IGFL2: variants seen among roughly 807,000 people sequenced by gnomAD.
The protein encoded by IGFL2 is IGF like family member 2, also known as insulin growth factor-like family member 2.
A neutral mutation model predicts 13.9 loss-of-function variants in IGFL2; 7 were observed. The ratio of observed to expected loss-of-function variants is 0.51; its 90% CI spans 0.29 to 0.95. The LOEUF (loss-of-function observed/expected upper bound fraction) is 0.95, where lower values mean the gene tolerates loss of function less well. IGFL2 is among the 40% of genes least tolerant of loss of function. IGFL2 has a pLI of 0.08. For missense variants in IGFL2, 138 were observed against 147.8 expected (o/e 0.93, Z 0.34); for synonymous variants, 55 against 55.8 (o/e 0.99, Z 0.07).
At chr19:46,119,689 C>T in the IGFL2 span, among the ~76,000 whole-genome samples, 1 of 150,426 alleles carries the variant, frequency 6.6e-6, no homozygotes, top group Non-Finnish European at 1.5e-5. Context: ...AAAGACCACT[C>T]TACTGCAGGT....
At chr19:46,131,672 C>T in the IGFL2 span, among the ~76,000 whole-genome samples, 3 of 152,196 alleles carry the variant, frequency 2.0e-5, no homozygotes, top group African/African-American at 7.2e-5. Flanking sequence ...CCCTTCTTGG[C>T]TCATGCCTGT....
the IGFL2 span, chr19:46,113,918 G>T: frequency 6.5e-6 from 1 of 153,066 alleles, no homozygotes; most frequent in Non-Finnish European, 1.5e-5. Context: ...ATTTCTTAGA[G>T]ATGAGAGACA....
the IGFL2 span, among the ~76,000 whole-genome samples, chr19:46,093,792 G>T: frequency 6.6e-6 from 1 of 152,082 alleles, no homozygotes; most frequent in Non-Finnish European, 1.5e-5. Context: ...CTGTCTGTCT[G>T]TTTGAACAAT....
At chr19:46,121,629 A>G in the IGFL2 span, among the ~76,000 whole-genome samples, 1 of 150,786 alleles carries the variant, frequency 6.6e-6, no homozygotes, top group Non-Finnish European at 1.5e-5. Flanking sequence ...GTCGCACGTG[A>G]CGACTATCTG....
At chr19:46,146,587 A>T (rs1484713284), upstream of IGFL2, among the ~76,000 whole-genome samples, 1 of 152,224 alleles carries the variant, frequency 6.6e-6, no homozygotes, top group East Asian at 1.9e-4. Context: ...AAACCACGAC[A>T]TGATATACCA....
At chr19:46,133,262 C>T in the IGFL2 span, among the ~76,000 whole-genome samples, 1 of 152,178 alleles carries the variant, frequency 6.6e-6, no homozygotes, top group South Asian at 2.1e-4. Flanking sequence ...AAGGATCTCT[C>T]AGCAAGGCTA....
the IGFL2 span, among the ~76,000 whole-genome samples, chr19:46,108,308 G>A: frequency 5.9e-5 from 9 of 152,088 alleles, no homozygotes; most frequent in Non-Finnish European, 1.2e-4. Flanking sequence ...AGAATGCCTG[G>A]ACATCAGGCA....
At chr19:46,215,171 G>A in the IGFL2 span, among the ~76,000 whole-genome samples, 405 of 152,186 alleles carry the variant, frequency 2.7e-3, 2 homozygotes, top group African/African-American at 8.3e-3. Flanking sequence ...TTTATCCATC[G>A]GTTAAAGTAT....
chr19:46,167,874 T>C, the IGFL2 span, among the ~76,000 whole-genome samples: 10 of 152,312 alleles, frequency 6.6e-5, no homozygotes, highest in Admixed American at 2.6e-4. Context: ...AAGAGAGCCC[T>C]CAACAGAAAC....
At chr19:46,195,066 A>T in the IGFL2 span, 3 of 145,892 alleles carry the variant, frequency 2.1e-5, no homozygotes, top group East Asian at 6.1e-4. Context: ...CAGAGGCTGG[A>T]GTGCAGTGGC....
chr19:46,161,001 G>GT, intron 3 of IGFL2, 69 bp from the exon 4 acceptor site: 2 of 1,548,724 alleles, frequency 1.3e-6, no homozygotes, highest in Non-Finnish European at 1.8e-6. Context: ...ATCTCTAGCA[G>GT]TTTCTCAAAT....
chr19:46,136,939 T>C, the IGFL2 span: 3 of 1,140,034 alleles, frequency 2.6e-6, no homozygotes, highest in Non-Finnish European at 2.7e-6. Context: ...GAGGTGTCTG[T>C]AAAGTTGTTG....
chr19:46,157,635 C>T (rs536276083), intron 1 of IGFL2, among the ~76,000 whole-genome samples: 69 of 152,274 alleles, frequency 4.5e-4, no homozygotes, highest in Non-Finnish European at 8.8e-4. Flanking sequence ...ATTTCCTCAA[C>T]TCGATAAAGT....
At chr19:46,156,165 C>T (rs983371711) in intron 1 of IGFL2, among the ~76,000 whole-genome samples, 1 of 152,212 alleles carries the variant, frequency 6.6e-6, no homozygotes, top group East Asian at 1.9e-4. Flanking sequence ...TATACAAAAC[C>T]TTGCTGTAAT....
At chr19:46,093,981 A>G in the IGFL2 span, among the ~76,000 whole-genome samples, 3 of 151,466 alleles carry the variant, frequency 2.0e-5, no homozygotes, top group South Asian at 6.2e-4. Flanking sequence ...GTTAGATGTC[A>G]GTATTCTTCA....
At chr19:46,140,722 A>G (rs934621185), upstream of IGFL2, among the ~76,000 whole-genome samples, 7 of 152,212 alleles carry the variant, frequency 4.6e-5, no homozygotes, top group African/African-American at 1.7e-4. Context: ...GAAACCCATG[A>G]CCAGAAACCC....
intron 1 of IGFL2, among the ~76,000 whole-genome samples, chr19:46,150,068 A>G (rs1054803284): frequency 5.9e-5 from 9 of 152,098 alleles, no homozygotes. Context: ...TATTACAGTC[A>G]TCTGGGTGGG....
At chr19:46,115,214 G>A in the IGFL2 span, among the ~76,000 whole-genome samples, 1 of 152,142 alleles carries the variant, frequency 6.6e-6, no homozygotes, top group African/African-American at 2.4e-5. Context: ...ACAGGAGCAG[G>A]CTAAATCTCA....
At chr19:46,143,315 A>G (rs1420473453), upstream of IGFL2, 3 of 152,046 alleles carry the variant, frequency 2.0e-5, no homozygotes, top group Non-Finnish European at 4.4e-5. Flanking sequence ...TATACAAACT[A>G]TGTATTAATT....
Sources: allele counts gnomAD v4.1 joint callset (sites outside exome capture counted in the v4.1 genomes callset), GRCh38; gene constraint gnomAD v4.1.1; transcripts MANE v1.5; gene names NCBI Gene and HGNC (gene_info 2026-07-23, HGNC 2026-07-21).